Variants in PDZD2 observed in about 807,000 individuals in gnomAD.
PDZD2 encodes PDZ domain containing 2.
In PDZD2, 90 loss-of-function variants were observed where a neutral mutation model predicts 220.7. The ratio of observed to expected loss-of-function variants is 0.41; its 90% CI spans 0.34 to 0.49. The LOEUF is 0.49. Ranked by LOEUF, PDZD2 falls within the 20% of genes least tolerant of loss-of-function variation. The probability of loss-of-function intolerance (pLI) is 0.28; values close to 1 mark genes in which losing one functional copy is unlikely to be tolerated. For missense variants in PDZD2, 3,174 were observed against 3,608.5 expected (o/e 0.88, Z 3.08); for synonymous variants, 1,375 against 1,450.5 (o/e 0.95, Z 1.18).
intron 2 of PDZD2, among the ~76,000 whole-genome samples, chr5:31,868,014 G>T (rs1383902797): frequency 3.3e-5 from 5 of 152,046 alleles, no homozygotes; most frequent in Admixed American, 3.3e-4. Context: ...ATAACTGAGG[G>T]TTATCATTTT....
chr5:32,101,191 T>A lies in PDZD2; in HGVS notation c.8305T>A (p.Ser2769Thr). Residue 2769 changes from serine (S) to threonine (T), a missense_variant, in exon 24 of 25, where the codon TCA becomes ACA. This residue lies in a region of PDZD2 where 631 missense variants were observed against 789.9 expected (regional missense o/e 0.80). Coordinates refer to ENST00000438447, the MANE Select transcript of PDZD2 (RefSeq NM_178140.4). ...GLGLSLDGGK[S>T]SVTGDGPLVI... ...GGGACTGAGTCTGGATGGGGGAAAA[T>A]CATCGGTGACGGGAGATGGGCCCTT... is the stretch of plus-strand genomic sequence containing the variant. 6.2e-7 allele frequency: 1 copy of A among 1,613,968 alleles called. No individual in the cohort carries two copies. The highest frequency in any genetic ancestry group is 8.5e-7 in the Non-Finnish European group (1 of 1,179,952).
intron 19 of PDZD2, among the ~76,000 whole-genome samples, chr5:32,080,589 AT>A (rs1561531096): frequency 6.6e-6 from 1 of 152,146 alleles, no homozygotes; most frequent in African/African-American, 2.4e-5. Flanking sequence ...CTAAACCAAC[AT>A]TTCCTATTTG....
chr5:32,087,463 G>A lies in PDZD2; in HGVS notation c.4015G>A (p.Val1339Ile). Residue 1339 changes from valine to isoleucine, a missense_variant, in exon 20 of 25, where the codon GTC (valine) becomes ATC (isoleucine). Transcript: ENST00000438447. The surrounding 1 kb of genome is among the most constrained non-coding windows in gnomAD (Gnocchi z 4.0). ...GAEGMTPAGA[V>I]LPGDPLTSQE... ...AGAGGGAATGACACCAGCTGGTGCT[G>A]TCCTGCCAGGAGACCCCCTCACATC... The A allele has an allele frequency of 1.2e-6, 2 of 1,613,924 alleles. No individual in the cohort carries two copies. Among genetic ancestry groups the A allele is most frequent in the Admixed American group, 1.7e-5 (1 of 59,986 alleles).
intron 1 of PDZD2, among the ~76,000 whole-genome samples, chr5:31,643,429 A>G (rs944679653): frequency 1.3e-5 from 2 of 152,192 alleles, no homozygotes; most frequent in Non-Finnish European, 2.9e-5. Flanking sequence ...ACCAGGTGCA[A>G]GGCAGGAAGA....
At chr5:31,882,794 C>T (rs374000172) in intron 2 of PDZD2, among the ~76,000 whole-genome samples, 62 of 151,818 alleles carry the variant, frequency 4.1e-4, no homozygotes, top group Non-Finnish European at 6.9e-4. Context: ...TTTGGGAGGC[C>T]GAGGTGGGCG....
Position 31,646,770 on chromosome 5 carries a change from C to T in PDZD2, c.-361+7333C>T, listed in dbSNP as rs932644288. On this transcript the variant is annotated intron_variant, in intron 1 of 24. Coordinates refer to ENST00000438447, the MANE Select transcript of PDZD2 (RefSeq NM_178140.4). The surrounding 1 kb of genome is among the most constrained non-coding windows in gnomAD (Gnocchi z 4.7). ...AGCATACAAAATTGGCATAGCTTTCCTCCACAGTTTGCCACTGCCCACTCT... is the reference window on the plus strand; with the variant it reads ...AGCATACAAAATTGGCATAGCTTTCTTCCACAGTTTGCCACTGCCCACTCT... Among the ~76,000 whole-genome samples the T allele has an allele frequency of 3.9e-5, 6 of 152,138 alleles. No homozygotes were observed. Among genetic ancestry groups the T allele is most frequent in the Admixed American group, 3.3e-4 (5 of 15,268 alleles).
intron 2 of PDZD2, among the ~76,000 whole-genome samples, chr5:31,813,123 A>G (rs921135903): frequency 2.0e-5 from 3 of 152,202 alleles, no homozygotes; most frequent in African/African-American, 7.2e-5. Flanking sequence ...ACTTGACGAC[A>G]TCAGACCATT....
rs778326562 is a variant in PDZD2, at chr5:32,089,161, G to C, written c.5713G>C (p.Ala1905Pro). 1 of 1,614,158 alleles carries C rather than the reference G, an allele frequency of 6.2e-7. No homozygotes were observed. ...CAACTCTGAGGCCCCTGCTGCGAATGCTGTGAAGGCTGGGGGGACGGACCA... is the reference window on the plus strand; with the variant it reads ...CAACTCTGAGGCCCCTGCTGCGAATCCTGTGAAGGCTGGGGGGACGGACCA... ...KVNSEAPAAN[A>P]VKAGGTDHRK... The change falls in exon 20 of 25, where the codon GCT (alanine) becomes CCT (proline). Residue 1905 changes from alanine (A) to proline (P), a missense_variant. Around this residue, in one of 4 missense-constraint regions of PDZD2, gnomAD observed 1,861 missense variants for 2,001.0 expected, o/e 0.93. Coordinates refer to ENST00000438447, the MANE Select transcript of PDZD2 (RefSeq NM_178140.4).
At chr5:31,866,391 G>A (rs1240919693) in intron 2 of PDZD2, among the ~76,000 whole-genome samples, 1 of 152,120 alleles carries the variant, frequency 6.6e-6, no homozygotes, top group Non-Finnish European at 1.5e-5. Context: ...CCTTCTAGTA[G>A]TGCTGCAGCT....
intron 2 of PDZD2, among the ~76,000 whole-genome samples, chr5:31,944,528 G>A (rs1203597464): frequency 6.6e-6 from 1 of 152,238 alleles, no homozygotes; most frequent in African/African-American, 2.4e-5. Flanking sequence ...CTTAGTTGTA[G>A]GTAGCTTAAG....
chr5:32,106,806 A>G (rs538215483), intron 24 of PDZD2, among the ~76,000 whole-genome samples: 5 of 152,214 alleles, frequency 3.3e-5, no homozygotes, highest in Non-Finnish European at 7.3e-5. Flanking sequence ...CCAAAAATGT[A>G]TCTATCTCAA....
chr5:31,767,424 A>G (rs1053455820), intron 1 of PDZD2, among the ~76,000 whole-genome samples: 1 of 152,214 alleles, frequency 6.6e-6, no homozygotes, highest in Non-Finnish European at 1.5e-5. Context: ...CAGTTCTCAG[A>G]TGTGTCTGCC....
chr5:31,727,274 T>C (rs1182219107), intron 1 of PDZD2, among the ~76,000 whole-genome samples: 1 of 152,228 alleles, frequency 6.6e-6, no homozygotes, highest in Non-Finnish European at 1.5e-5. Context: ...GCTGCTTGAC[T>C]TGGACTGTAT....
chr5:31,940,375 C>A (rs1015255755), intron 2 of PDZD2, among the ~76,000 whole-genome samples: 1 of 152,196 alleles, frequency 6.6e-6, no homozygotes, highest in Non-Finnish European at 1.5e-5. Flanking sequence ...CACAGATGGC[C>A]TCAGCAGGGC....
intron 2 of PDZD2, among the ~76,000 whole-genome samples, chr5:31,831,934 A>AG (rs1554080790): frequency 2.0e-5 from 3 of 149,060 alleles, no homozygotes; most frequent in Admixed American, 6.7e-5. Context: ...AAAAAAAAAA[A>AG]GAATAACGAT....
intron 1 of PDZD2, among the ~76,000 whole-genome samples, chr5:31,650,921 A>G (rs1476329905): frequency 6.6e-6 from 1 of 152,184 alleles, no homozygotes; most frequent in African/African-American, 2.4e-5. Flanking sequence ...GAACCTCTCC[A>G]TTGAGTCTTG....
intron 2 of PDZD2, among the ~76,000 whole-genome samples, chr5:31,961,032 T>C (rs1262254686): frequency 2.0e-5 from 3 of 152,210 alleles, no homozygotes; most frequent in South Asian, 2.1e-4. Context: ...TCACTTTAAT[T>C]TTTCAGAGAA....
chr5:31,823,894 G>C (rs1387411496), intron 2 of PDZD2, among the ~76,000 whole-genome samples: 1 of 152,216 alleles, frequency 6.6e-6, no homozygotes, highest in Admixed American at 6.5e-5. Flanking sequence ...ATAGTAAACT[G>C]TGAACATGTG....
intron 5 of PDZD2, among the ~76,000 whole-genome samples, chr5:32,001,429 T>G (rs1752093619): frequency 6.6e-6 from 1 of 151,076 alleles, no homozygotes; most frequent in South Asian, 2.1e-4. Flanking sequence ...CCAGCCAATT[T>G]ACAAATGAGA....
Sources: allele counts gnomAD v4.1 joint callset (sites outside exome capture counted in the v4.1 genomes callset), GRCh38; gene constraint gnomAD v4.1.1; regional missense constraint gnomAD v4.1.1; non-coding constraint Gnocchi (gnomAD v3.1); transcripts MANE v1.5; gene names NCBI Gene and HGNC (gene_info 2026-07-23, HGNC 2026-07-21).